The following ITPKA variants were observed in gnomAD, a reference collection of about 807,000 sequenced individuals.
The protein encoded by ITPKA is inositol-trisphosphate 3-kinase A, also known as IP3 3-kinase A.
ITPKA carries 16 observed loss-of-function variants against 40.7 expected under a neutral mutation model. The ratio of observed to expected loss-of-function variants is 0.39; its 90% CI spans 0.27 to 0.60. The LOEUF (loss-of-function observed/expected upper bound fraction) is 0.60. Ranked by LOEUF, ITPKA falls within the 20% of genes least tolerant of loss-of-function variation. ITPKA has a pLI of 0.50. For missense variants in ITPKA, 540 were observed against 649.3 expected (o/e 0.83, Z 1.83); for synonymous variants, 313 against 289.9 (o/e 1.08, Z -0.81).
chr15:41,497,228 A>G (rs923815860), intron 1 of ITPKA, among the ~76,000 whole-genome samples: 1 of 152,156 alleles, frequency 6.6e-6, no homozygotes, highest in Non-Finnish European at 1.5e-5. Context: ...CTTTGCCTCA[A>G]GATACCCAGG....
At chr15:41,502,280 C>G in intron 4 of ITPKA, 79 bp downstream of exon 4, 1 of 1,350,764 alleles carries the variant, frequency 7.4e-7, no homozygotes, top group Non-Finnish European at 1.0e-6. Context: ...CCCGCCCCGC[C>G]TGCCCCTCCG....
chr15:41,502,740 T>G, intron 5 of ITPKA, 48 bp from the exon 6 acceptor site: 5 of 1,501,066 alleles, frequency 3.3e-6, no homozygotes, highest in South Asian at 1.2e-5. Context: ...CAGGGGCTCA[T>G]TTGGCGTTTA....
chr15:41,501,966 C>T, intron 3 of ITPKA, 31 bp from the exon 4 acceptor site: 1 of 1,605,424 alleles, frequency 6.2e-7, no homozygotes. Context: ...TGCGCCCCCT[C>T]ATGCCCTGGC....
chr15:41,503,517 C>CGGACT lies in ITPKA; in HGVS notation c.*352_*356dup, dbSNP rs535439468. 613 of 595,936 alleles carry CGGACT rather than the reference C, an allele frequency of 1.0e-3. No individual in the cohort carries two copies. The highest frequency in any genetic ancestry group is 1.6e-3 in the Non-Finnish European group (491 of 310,686). 36.9% of individuals were successfully genotyped at this position (595,936 alleles called of 1,614,324 possible). On this transcript the variant is annotated 3_prime_UTR_variant, in exon 7 of 7. Coordinates refer to ENST00000260386, the MANE Select transcript of ITPKA (RefSeq NM_002220.3). ...TCCGGTCTAACGTCTCACACCACGACGGACTCCCCTTCCTAATAAAACTCA... is the reference window on the plus strand; with the variant it reads ...TCCGGTCTAACGTCTCACACCACGACGGACTGGACTCCCCTTCCTAATAAAACTCA...
intron 4 of ITPKA, 31 bp from the exon 5 acceptor site, chr15:41,502,371 G>C (rs1287549932): frequency 6.6e-7 from 1 of 1,511,706 alleles, no homozygotes; most frequent in Non-Finnish European, 9.2e-7. Context: ...TGGCGGGCCC[G>C]GGGCCCCTGA....
chr15:41,502,870 G>A lies in ITPKA; in HGVS notation c.1182+11G>A. 1.2e-6 allele frequency: 2 copies of A among 1,611,278 alleles called. No individual in the cohort carries two copies. The highest frequency in any genetic ancestry group is 1.1e-5 in the South Asian group (1 of 90,854). On this transcript the variant is annotated intron_variant, in intron 6 of 6. Coordinates refer to ENST00000260386, the MANE Select transcript of ITPKA (RefSeq NM_002220.3). ...TTCAGGAGGCACGAGGTAAGCGGCG[G>A]CTGCCCGGGTGCCCGGGCCGCGAGG...
At chr15:41,502,609 C>A (rs1410906538) in intron 5 of ITPKA, 106 bp downstream of exon 5, 1 of 925,714 alleles carries the variant, frequency 1.1e-6, no homozygotes, top group Non-Finnish European at 1.7e-6. Flanking sequence ...ATGGCCCTCA[C>A]CGCGCTGGCT....
intron 1 of ITPKA, among the ~76,000 whole-genome samples, chr15:41,499,012 G>A (rs931094346): frequency 5.3e-5 from 8 of 152,136 alleles, no homozygotes; most frequent in South Asian, 2.1e-4. Context: ...ACCACTTCAC[G>A]CACTTGCTAT....
At chr15:41,498,695 G>T (rs2051090285) in intron 1 of ITPKA, among the ~76,000 whole-genome samples, 1 of 152,216 alleles carries the variant, frequency 6.6e-6, no homozygotes, top group African/African-American at 2.4e-5. Context: ...AAAGGCAAAG[G>T]TGGCCATCCA....
intron 1 of ITPKA, among the ~76,000 whole-genome samples, chr15:41,495,012 C>G (rs931892331): frequency 1.3e-5 from 2 of 152,226 alleles, no homozygotes; most frequent in African/African-American, 4.8e-5. Context: ...CCAGTGCGCG[C>G]CCTGCCTCCC....
In ITPKA at chr15:41,503,436, G is replaced by C. The variant is rs2051140134; in HGVS notation, c.*270G>C. The C allele has an allele frequency of 1.6e-6, 1 of 615,220 alleles. No individual in the cohort carries two copies. The highest frequency in any genetic ancestry group is 1.8e-5 in the African/African-American group (1 of 55,644). The allele number at this position is 615,220 out of a possible 1,614,324, so 38.1% of individuals were successfully genotyped here. A position where few individuals can be genotyped will look rare whatever the true frequency, so the allele number is the denominator to read the frequency against. ...TCCTCAGGCCAGCTCTTCTGAGGAG[G>C]CTCTGCCCTCTCCAGAGGTGCCAGA... On this transcript the variant is annotated 3_prime_UTR_variant, in exon 7 of 7. Coordinates refer to ENST00000260386, the MANE Select transcript of ITPKA (RefSeq NM_002220.3).
At chr15:41,497,495 T>A (rs1447544456) in intron 1 of ITPKA, among the ~76,000 whole-genome samples, 1 of 152,182 alleles carries the variant, frequency 6.6e-6, no homozygotes, top group Admixed American at 6.5e-5. Context: ...CCCAAAGTGC[T>A]GAGATTACAG....
At chr15:41,496,673 A>G (rs2051074846) in intron 1 of ITPKA, among the ~76,000 whole-genome samples, 2 of 152,048 alleles carry the variant, frequency 1.3e-5, no homozygotes, top group Non-Finnish European at 2.9e-5. Context: ...AGGTAAGGAG[A>G]CCTGGATGCC....
intron 1 of ITPKA, among the ~76,000 whole-genome samples, chr15:41,495,174 T>G (rs767167669): frequency 3.3e-5 from 5 of 152,210 alleles, no homozygotes; most frequent in Admixed American, 1.3e-4. Context: ...CTGGGCACTG[T>G]TAAGTCATTC....
intron 1 of ITPKA, among the ~76,000 whole-genome samples, chr15:41,497,811 G>A (rs1566857086): frequency 6.6e-6 from 1 of 152,016 alleles, no homozygotes; most frequent in Admixed American, 6.5e-5. Context: ...CTTGAACCCC[G>A]GAGTTCGAGG....
In ITPKA at chr15:41,494,496, C is replaced by G. The variant is rs2051056385; in HGVS notation, c.489+80C>G. On this transcript the variant is annotated intron_variant, in intron 1 of 6. Transcript: ENST00000260386. This position sits in a 1 kb window ranked among gnomAD's most constrained non-coding sequence, Gnocchi z 7.8. ...TGGCTGGGTGCTCCCGGAGGACCCGCTCCTGTCCATGCTCCCTCCAGCGGA... is the reference window on the plus strand; with the variant it reads ...TGGCTGGGTGCTCCCGGAGGACCCGGTCCTGTCCATGCTCCCTCCAGCGGA... The G allele has an allele frequency of 2.0e-6, 2 of 978,774 alleles. No individual in the cohort carries two copies. The highest frequency in any genetic ancestry group is 6.5e-5 in the East Asian group (2 of 30,976). 60.6% of individuals were successfully genotyped at this position (978,774 alleles called of 1,614,324 possible).
In ITPKA at chr15:41,494,235, G is replaced by A; in HGVS notation, c.308G>A (p.Arg103Lys). The A allele has an allele frequency of 7.8e-6, 12 of 1,540,992 alleles. No homozygotes were observed. Among genetic ancestry groups the A allele is most frequent in the Non-Finnish European group, 1.0e-5 (12 of 1,151,126 alleles). Residue 103 changes from arginine to lysine, a missense_variant, in exon 1 of 7, where the codon AGG becomes AAG. Physicochemically the swap from Arg to Lys is conservative, Grantham distance 26 (BLOSUM62 2). Transcript: ENST00000260386. The surrounding 1 kb of genome is among the most constrained non-coding windows in gnomAD (Gnocchi z 7.8). ...AGCCCTGGGCCGCCGGAGCGGGAGA[G>A]GGACTGCCTCCCGGCAGCGGGCTCT... ...PTSPGPPERE[R>K]DCLPAAGSSH...
chr15:41,494,106 A>C lies in ITPKA; in HGVS notation c.179A>C (p.Lys60Thr). Residue 60 changes from lysine to threonine, a missense_variant, in exon 1 of 7, where the codon AAG (lysine) becomes ACG (threonine). By Grantham distance (78) the Lys-to-Thr change is moderately conservative. Transcript: ENST00000260386. This position sits in a 1 kb window ranked among gnomAD's most constrained non-coding sequence, Gnocchi z 7.8. ...AAGEPRARGAKRRGGQVPNGL... is the reference protein window; with the variant it reads ...AAGEPRARGATRRGGQVPNGL... ...GGGGAGCCCCGGGCCCGCGGGGCCAAGCGGCGTGGGGGACAGGTCCCCAAC... is the reference window on the plus strand; with the variant it reads ...GGGGAGCCCCGGGCCCGCGGGGCCACGCGGCGTGGGGGACAGGTCCCCAAC... The C allele has an allele frequency of 7.6e-7, 1 of 1,316,368 alleles. No homozygotes were observed. The allele number at this position is 1,316,368 out of a possible 1,614,324, so 81.5% of individuals were successfully genotyped here.
rs1376701709 is a variant in ITPKA, at chr15:41,494,512, C to G, written c.489+96C>G. 2.3e-6 allele frequency: 2 copies of G among 853,604 alleles called. No individual in the cohort carries two copies. Among genetic ancestry groups the G allele is most frequent in the Middle Eastern group, 3.7e-4 (1 of 2,730 alleles). 52.9% of individuals were successfully genotyped at this position (853,604 alleles called of 1,614,324 possible). ...GAGGACCCGCTCCTGTCCATGCTCC[C>G]TCCAGCGGAAGGTCCTGTTCTCGCG... On this transcript the variant is annotated intron_variant, in intron 1 of 6. Coordinates refer to ENST00000260386, the MANE Select transcript of ITPKA (RefSeq NM_002220.3). This position sits in a 1 kb window ranked among gnomAD's most constrained non-coding sequence, Gnocchi z 7.8.
Sources: gnomAD v4.1 joint callset for allele counts (sites outside exome capture counted in the v4.1 genomes callset) on GRCh38, gnomAD v4.1.1 for gene constraint, Gnocchi (gnomAD v3.1) non-coding constraint, MANE v1.5 for transcripts, NCBI Gene and HGNC (gene_info 2026-07-23, HGNC 2026-07-21) for gene names.